The following CTSE variants were observed in gnomAD, a reference collection of about 807,000 sequenced individuals.
CTSE encodes cathepsin E.
Under a neutral mutation model 42.8 loss-of-function variants are expected in CTSE, and 43 were observed. The observed-to-expected ratio is 1.01, with a 90% CI of 0.79 to 1.30. The LOEUF is 1.30. Ranked by LOEUF, CTSE falls within the 50% of genes most tolerant of loss-of-function variation. The pLI is 0.00. For missense variants in CTSE, 532 were observed against 493.5 expected (o/e 1.08, Z -0.74); for synonymous variants, 205 against 191.5 (o/e 1.07, Z -0.58).
At chr1:206,010,685 T>A (rs1571807333) in intron 8 of CTSE, among the ~76,000 whole-genome samples, 1 of 152,026 alleles carries the variant, frequency 6.6e-6, no homozygotes, top group Admixed American at 6.6e-5. Context: ...AGCAAAAGGG[T>A]TGGCACCGGA....
intron 8 of CTSE, among the ~76,000 whole-genome samples, chr1:206,010,966 G>A (rs1483555866): frequency 6.6e-6 from 1 of 152,074 alleles, no homozygotes; most frequent in Non-Finnish European, 1.5e-5. Flanking sequence ...TTTGAAATGT[G>A]AAGTTGCTGA....
At chr1:206,012,481 C>T in intron 7 of CTSE, 27 bp downstream of exon 7, 2 of 1,613,948 alleles carry the variant, frequency 1.2e-6, no homozygotes, top group East Asian at 4.5e-5. Flanking sequence ...CTGTCCCCAC[C>T]ACTCCCTTGC....
In CTSE at chr1:206,014,965, T is replaced by A. The variant is rs555726291; in HGVS notation, c.662+966A>T. The stretch of plus-strand genomic sequence containing the variant: ...GAGGAATGGGCTTATGCTGAAACAG[T>A]GTGAACGCAGGCCAGGTCTGAGCTG... On this transcript the variant is annotated intron_variant, in intron 5 of 8. Coordinates refer to ENST00000358184, the MANE Select transcript of CTSE (RefSeq NM_001910.4). 2.6e-5 allele frequency among the ~76,000 whole-genome samples: 4 copies of A among 151,976 alleles called. No individual in the cohort carries two copies. In the East Asian group the frequency reaches 7.7e-4, roughly 29 times the overall value.
rs1553276642 is a variant in CTSE at position 206,009,825 on chromosome 1, T to C, written c.*358A>G. Reference sequence around the variant, plus strand: ...GTGTGGATGGGTTGTCAGGGCTGAGTGGAGTTGCAAAGGGATTTATTATAC... The same window carrying C: ...GTGTGGATGGGTTGTCAGGGCTGAGCGGAGTTGCAAAGGGATTTATTATAC... On this transcript the variant is annotated 3_prime_UTR_variant, in exon 9 of 9. Coordinates refer to ENST00000358184, the MANE Select transcript of CTSE (RefSeq NM_001910.4). 7.2e-6 allele frequency: 2 copies of C among 275,966 alleles called. No homozygotes were observed. Among genetic ancestry groups the C allele is most frequent in the African/African-American group, 2.2e-5 (1 of 44,918 alleles). The allele number at this position is 275,966 out of a possible 1,614,324, so 17.1% of individuals were successfully genotyped here.
chr1:206,021,930 G>T (rs1481292201), intron 3 of CTSE, among the ~76,000 whole-genome samples: 1 of 152,076 alleles, frequency 6.6e-6, no homozygotes, highest in Non-Finnish European at 1.5e-5. Flanking sequence ...CAGTATGAAA[G>T]TTACTCTCTT....
chr1:206,023,023 T>G lies in CTSE; in HGVS notation c.103A>C (p.Lys35Gln), dbSNP rs1553278712. The change falls in exon 2 of 9, where the codon AAG becomes CAG. Residue 35 changes from lysine (K) to glutamine (Q), a missense_variant. Transcript: ENST00000358184. ...PLRRHPSLKK[K>Q]LRARSQLSEF... The stretch of plus-strand genomic sequence containing the variant: ...GAGAGCTGGCTCCGTGCCCGCAGCT[T>G]CTTCTTGAGGGACGGATGCCTCCTG... The G allele has an allele frequency of 1.5e-5, 24 of 1,613,102 alleles. 1 individual carries two copies. The East Asian group carries it at 5.3e-4, about 36-fold the overall frequency.
chr1:206,013,568 G>A (rs1285275734), intron 6 of CTSE, among the ~76,000 whole-genome samples: 1 of 152,002 alleles, frequency 6.6e-6, no homozygotes, highest in East Asian at 1.9e-4. Flanking sequence ...AGCACGCCAT[G>A]TGTACAAGGA....
intron 8 of CTSE, among the ~76,000 whole-genome samples, chr1:206,010,952 AT>A (rs1202147355): frequency 1.3e-5 from 2 of 152,070 alleles, no homozygotes; most frequent in Non-Finnish European, 2.9e-5. Flanking sequence ...CTTTCCAACA[AT>A]GATTTGAAAT....
rs782447864 is a variant in CTSE at position 206,016,147 on chromosome 1, C to T, written c.463-17G>A. 3.1e-6 allele frequency: 5 copies of T among 1,610,816 alleles called. No individual in the cohort carries two copies. Among genetic ancestry groups the T allele is most frequent in the Non-Finnish European group, 4.2e-6 (5 of 1,177,468 alleles). On this transcript the variant is annotated splice_polypyrimidine_tract_variant and intron_variant, in intron 4 of 8. Coordinates refer to ENST00000358184, the MANE Select transcript of CTSE (RefSeq NM_001910.4). ...TCCTTCCACCTGGTAGGAGAAAGCCCACAGGAGAACAGGAGAATGGCACAG... is the reference window on the plus strand; with the variant it reads ...TCCTTCCACCTGGTAGGAGAAAGCCTACAGGAGAACAGGAGAATGGCACAG...
rs1553276664 is a variant in CTSE, at chr1:206,009,928, C to T, written c.*255G>A. On this transcript the variant is annotated 3_prime_UTR_variant, in exon 9 of 9. Coordinates refer to ENST00000358184, the MANE Select transcript of CTSE (RefSeq NM_001910.4). Reference sequence around the variant, plus strand: ...ATTTTTGATTTTCATAATCAAAAATCAATACAAAATATGAATGTATAACGT... The same window carrying T: ...ATTTTTGATTTTCATAATCAAAAATTAATACAAAATATGAATGTATAACGT... The T allele has an allele frequency of 2.2e-6, 1 of 458,548 alleles. No individual in the cohort carries two copies. Among genetic ancestry groups the T allele is most frequent in the African/African-American group, 2.0e-5 (1 of 50,660 alleles). The allele number at this position is 458,548 out of a possible 1,614,324, so 28.4% of individuals were successfully genotyped here.
chr1:206,013,123 G>A (rs1284557187), intron 6 of CTSE, among the ~76,000 whole-genome samples: 16 of 149,680 alleles, frequency 1.1e-4, no homozygotes, highest in Non-Finnish European at 2.1e-4. Flanking sequence ...GTACCTTGCA[G>A]GAACTCAATC....
At position 206,016,101 on chromosome 1, in the gene CTSE, C is replaced by T. The variant is rs782197161; in HGVS notation, c.492G>A (p.Gln164=). 5.0e-6 allele frequency: 8 copies of T among 1,613,964 alleles called. No homozygotes were observed. In the South Asian group the frequency reaches 6.6e-5, roughly 13 times the overall value. The change falls in exon 5 of 9, where the codon CAG becomes CAA. Residue 164 remains glutamine, a synonymous_variant. Coordinates refer to ENST00000358184, the MANE Select transcript of CTSE (RefSeq NM_001910.4). ...CTGGCTCTGTGACACTTTCTCCAAA[C>T]TGCTGGCCAACCACGGTTAGTCCTT... ...SVEGLTVVGQ[Q]FGESVTEPGQ... is the part of the protein sequence containing the mutation.
In CTSE at chr1:206,022,856, C is replaced by T. The variant is rs782199617; in HGVS notation, c.225+45G>A. ...GGCCATGCCCTAATGCTGGGCCTTC[C>T]TCCCGCTCCCACCTCTCCCCAGCCC... is the stretch of plus-strand genomic sequence containing the variant. On this transcript the variant is annotated intron_variant, in intron 2 of 8. Transcript: ENST00000358184. 12 of 1,514,488 alleles carry T rather than the reference C, an allele frequency of 7.9e-6. 1 individual carries two copies. The East Asian group carries it at 1.6e-4, about 21-fold the overall frequency. 93.8% of individuals were successfully genotyped at this position (1,514,488 alleles called of 1,614,324 possible). A position where few individuals can be genotyped will look rare whatever the true frequency, so the allele number is the denominator to read the frequency against.
chr1:206,012,156 G>A (rs977108004), intron 8 of CTSE, 152 bp downstream of exon 8: 4 of 640,828 alleles, frequency 6.2e-6, no homozygotes, highest in Non-Finnish European at 1.1e-5. Context: ...ACAGGCAGCT[G>A]TGTCCCTCCC....
At chr1:206,021,623 C>T (rs879997700) in intron 3 of CTSE, among the ~76,000 whole-genome samples, 1 of 151,998 alleles carries the variant, frequency 6.6e-6, no homozygotes, top group Non-Finnish European at 1.5e-5. Context: ...TCGAACAAGA[C>T]ATCTTTCTGT....
In CTSE at chr1:206,022,952, C is replaced by T; in HGVS notation, c.174G>A (p.Glu58=). 1 of 1,608,948 alleles carries T rather than the reference C, an allele frequency of 6.2e-7. No individual in the cohort carries two copies. Among genetic ancestry groups the T allele is most frequent in the East Asian group, 2.2e-5 (1 of 44,826 alleles). ...SHNLDMIQFT[E]SCSMDQSAKE... The stretch of plus-strand genomic sequence containing the variant: ...TGGCACTCTGGTCCATTGAGCAGGA[C>T]TCGGTGAACTGGATCATGTCCAAAT... Residue 58 remains glutamate, a synonymous_variant, in exon 2 of 9, where the codon GAG becomes GAA. Transcript: ENST00000358184.
chr1:206,019,909 T>C (rs1183171794), intron 4 of CTSE, among the ~76,000 whole-genome samples: 1 of 143,090 alleles, frequency 7.0e-6, no homozygotes, highest in East Asian at 2.0e-4. Context: ...TACAACATAT[T>C]AATATATTAT....
Position 206,009,809 on chromosome 1 carries a change from G to GCC in CTSE, c.*373_*374insGG. 3 of 251,176 alleles carry GCC rather than the reference G, an allele frequency of 1.2e-5. No homozygotes were observed. The highest frequency in any genetic ancestry group is 2.4e-5 in the Non-Finnish European group (3 of 127,134). The allele number at this position is 251,176 out of a possible 1,614,324, so 15.6% of individuals were successfully genotyped here. On this transcript the variant is annotated 3_prime_UTR_variant, in exon 9 of 9. Transcript: ENST00000358184. ...AAACAGGCCTGGCCGTGTGTGGATG[G>GCC]GTTGTCAGGGCTGAGTGGAGTTGCA...
Position 206,022,984 on chromosome 1 carries a change from A to C in CTSE, c.142T>G (p.Ser48Ala). Residue 48 changes from serine to alanine, a missense_variant, in exon 2 of 9, where the codon TCC becomes GCC. Physicochemically the swap from Ser to Ala is moderately conservative, Grantham distance 99 (BLOSUM62 1). Coordinates refer to ENST00000358184, the MANE Select transcript of CTSE (RefSeq NM_001910.4). ...ARSQLSEFWK[S>A]HNLDMIQFTE... Reference sequence around the variant, plus strand: ...AACTGGATCATGTCCAAATTATGGGATTTCCAGAACTCAGAGAGCTGGCTC... The same window carrying C: ...AACTGGATCATGTCCAAATTATGGGCTTTCCAGAACTCAGAGAGCTGGCTC... 1 of 1,612,376 alleles carries C rather than the reference A, an allele frequency of 6.2e-7. No individual in the cohort carries two copies. The highest frequency in any genetic ancestry group is 8.5e-7 in the Non-Finnish European group (1 of 1,179,002).
Sources: gnomAD v4.1 joint callset for allele counts (sites outside exome capture counted in the v4.1 genomes callset) on GRCh38, gnomAD v4.1.1 for gene constraint, MANE v1.5 for transcripts, NCBI Gene and HGNC (gene_info 2026-07-23, HGNC 2026-07-21) for gene names.